CD109: variants seen among roughly 807,000 people sequenced by gnomAD.
CD109 encodes the protein CD109 antigen.
Under a neutral mutation model 165.8 loss-of-function variants are expected in CD109, and 149 were observed. The ratio of observed to expected loss-of-function variants is 0.90; its 90% CI spans 0.79 to 1.03. The LOEUF is 1.03. Ranked by LOEUF, CD109 falls within the 50% of genes least tolerant of loss-of-function variation. CD109 has a pLI of 0.00. For missense variants in CD109, 1,712 were observed against 1,677.8 expected (o/e 1.02, Z -0.36); for synonymous variants, 585 against 592.1 (o/e 0.99, Z 0.18).
intron 25 of CD109, among the ~76,000 whole-genome samples, chr6:73,807,561 G>A (rs1022699898): frequency 3.3e-5 from 5 of 152,146 alleles, no homozygotes; most frequent in African/African-American, 1.2e-4. Context: ...GCGTGGAAAG[G>A]TATGCTGACG....
intron 23 of CD109, among the ~76,000 whole-genome samples, chr6:73,802,283 G>GTATATA (rs1562078255): frequency 7.3e-5 from 7 of 95,700 alleles, no homozygotes; most frequent in Non-Finnish European, 1.0e-4. Flanking sequence ...GTGTGTGTGT[G>GTATATA]TGTGTGTATA....
rs1291889780 is a variant in CD109, at chr6:73,818,460, A to C, written c.3984A>C (p.Ser1328=). 1 of 1,613,860 alleles carries C rather than the reference A, an allele frequency of 6.2e-7. No individual in the cohort carries two copies. The highest frequency in any genetic ancestry group is 1.7e-5 in the Admixed American group (1 of 59,956). The change falls in exon 31 of 33, where the codon TCA becomes TCC. Residue 1328 remains serine (S), a synonymous_variant. Transcript: ENST00000287097. ...TATTAAGTGGCTTTATGGTGCCTTC[A>C]GAAGCAATTTCTCTGAGCGAGACAG... ...VNLLSGFMVP[S]EAISLSETVK...
At chr6:73,749,778 A>G (rs929227897) in intron 5 of CD109, among the ~76,000 whole-genome samples, 1 of 152,242 alleles carries the variant, frequency 6.6e-6, no homozygotes, top group African/African-American at 2.4e-5. Flanking sequence ...GATAGTGTAG[A>G]AAGTATGACA....
chr6:73,819,213 T>C (rs971382902), intron 31 of CD109, among the ~76,000 whole-genome samples: 3 of 152,226 alleles, frequency 2.0e-5, no homozygotes, highest in African/African-American at 7.2e-5. Flanking sequence ...TTCATATTCT[T>C]ACCTTGAAAA....
intron 2 of CD109, among the ~76,000 whole-genome samples, chr6:73,712,114 C>CA (rs1216905669): frequency 6.6e-6 from 1 of 152,114 alleles, no homozygotes; most frequent in Non-Finnish European, 1.5e-5. Flanking sequence ...GGGGCTGAGG[C>CA]AGGAGGATTG....
intron 4 of CD109, among the ~76,000 whole-genome samples, chr6:73,730,981 T>TTG (rs1361787826): frequency 6.6e-6 from 1 of 151,996 alleles, no homozygotes; most frequent in Non-Finnish European, 1.5e-5. Context: ...ATGTATGTAT[T>TTG]TGTGTGTGTG....
chr6:73,771,605 A>G, intron 15 of CD109, 24 bp downstream of exon 15: 3 of 1,492,504 alleles, frequency 2.0e-6, no homozygotes, highest in South Asian at 1.3e-5. Context: ...TTTTTTCATT[A>G]TGAAAATATG....
At chr6:73,703,107 G>C (rs1459529200) in intron 2 of CD109, among the ~76,000 whole-genome samples, 1 of 152,196 alleles carries the variant, frequency 6.6e-6, no homozygotes, top group East Asian at 1.9e-4. Flanking sequence ...AGAAGAATTA[G>C]TTTTTCTGAG....
chr6:73,789,024 CTGG>C (rs751496208), intron 22 of CD109, among the ~76,000 whole-genome samples: 2 of 152,198 alleles, frequency 1.3e-5, no homozygotes, highest in Non-Finnish European at 2.9e-5. Context: ...CTCTCCACCA[CTGG>C]TGAATATCAG....
chr6:73,812,159 A>C, intron 28 of CD109, 46 bp from the exon 29 acceptor site: 1 of 1,276,582 alleles, frequency 7.8e-7, no homozygotes, highest in Non-Finnish European at 1.1e-6. Flanking sequence ...GGAAGGATCT[A>C]GATATGGAAA....
At chr6:73,724,760 T>C (rs1772074224) in intron 3 of CD109, among the ~76,000 whole-genome samples, 1 of 151,968 alleles carries the variant, frequency 6.6e-6, no homozygotes, top group Non-Finnish European at 1.5e-5. Flanking sequence ...TGTGCCACCA[T>C]GCCTGGCTGA....
intron 23 of CD109, among the ~76,000 whole-genome samples, chr6:73,801,737 A>G (rs1240221319): frequency 1.3e-5 from 2 of 152,216 alleles, no homozygotes; most frequent in Admixed American, 6.5e-5. Context: ...CTTCTAAAAT[A>G]TGGTATTTAT....
chr6:73,683,799 G>A, the CD109 span, among the ~76,000 whole-genome samples: 1 of 152,164 alleles, frequency 6.6e-6, no homozygotes, highest in Non-Finnish European at 1.5e-5. Flanking sequence ...ATGGCAGCAG[G>A]CAAAGAGAGA....
chr6:73,735,741 G>A (rs937816775), intron 4 of CD109, among the ~76,000 whole-genome samples: 1 of 152,142 alleles, frequency 6.6e-6, no homozygotes, highest in African/African-American at 2.4e-5. Flanking sequence ...CTGTAATATT[G>A]AGTCATGCCA....
In CD109 at chr6:73,697,266, T is replaced by A. The variant is rs944560050; in HGVS notation, c.75-134T>A. 8.9e-6 allele frequency: 6 copies of A among 672,010 alleles called. No individual in the cohort carries two copies. The African/African-American group carries it at 9.0e-5, about 10-fold the overall frequency. The allele number at this position is 672,010 out of a possible 1,614,324, so 41.6% of individuals were successfully genotyped here. A position where few individuals can be genotyped will look rare whatever the true frequency, so the allele number is the denominator to read the frequency against. On this transcript the variant is annotated intron_variant, in intron 1 of 32. Coordinates refer to ENST00000287097, the MANE Select transcript of CD109 (RefSeq NM_133493.5). ...TCAATTCAGTTGCCAAATAGAGCAGTGGGCAATGTTAACGGAAACAACTGC... is the reference window on the plus strand; with the variant it reads ...TCAATTCAGTTGCCAAATAGAGCAGAGGGCAATGTTAACGGAAACAACTGC...
chr6:73,696,563 T>C (rs547689521), intron 1 of CD109, among the ~76,000 whole-genome samples: 5 of 152,386 alleles, frequency 3.3e-5, no homozygotes, highest in African/African-American at 1.2e-4. Flanking sequence ...ATTTTATTTT[T>C]AGTCCACATT....
intron 23 of CD109, among the ~76,000 whole-genome samples, chr6:73,801,589 CTTAAA>C (rs1775362187): frequency 6.6e-6 from 1 of 152,136 alleles, no homozygotes; most frequent in Non-Finnish European, 1.5e-5. Context: ...AAATCAGATA[CTTAAA>C]TCTAGGGTTT....
At position 73,696,243 on chromosome 6, in the gene CD109, G is replaced by A; in HGVS notation, c.28G>A (p.Ala10Thr). Residue 10 changes from alanine (A) to threonine (T), a missense_variant, in exon 1 of 33, where the codon GCC (alanine) becomes ACC (threonine). By Grantham distance (58) the Ala-to-Thr change is moderately conservative (BLOSUM62 0). Transcript: ENST00000287097. ...GCAGGGCCCACCGCTCCTGACCGCC[G>A]CCCACCTCCTCTGCGTGTGCACCGC... MQGPPLLTA[A>T]HLLCVCTAAL... 6.5e-7 allele frequency: 1 copy of A among 1,543,128 alleles called. No homozygotes were observed.
At chr6:73,791,150 T>C (rs373230636) in intron 22 of CD109, among the ~76,000 whole-genome samples, 12 of 27,326 alleles carry the variant, frequency 4.4e-4, no homozygotes, top group East Asian at 3.0e-3. Flanking sequence ...TATATATATA[T>C]ATATATATAT....
Sources: allele counts gnomAD v4.1 joint callset (sites outside exome capture counted in the v4.1 genomes callset), GRCh38; gene constraint gnomAD v4.1.1; transcripts MANE v1.5; gene names NCBI Gene and HGNC (gene_info 2026-07-23, HGNC 2026-07-21).